SHC3: variants seen among roughly 807,000 people sequenced by gnomAD.
SHC3 encodes the protein SHC adaptor protein 3.
SHC3 carries 15 observed loss-of-function variants against 60.4 expected under a neutral mutation model. That is an observed-to-expected ratio of 0.25 (90% confidence interval 0.17 to 0.38). The LOEUF (loss-of-function observed/expected upper bound fraction) is 0.38, where lower values mean the gene tolerates loss of function less well. SHC3 is among the 10% of genes least tolerant of loss of function. The pLI, the probability that SHC3 is intolerant of heterozygous loss-of-function variation, is 1.00. For missense variants in SHC3, 677 were observed against 786.1 expected, an observed-to-expected ratio of 0.86 and a Z score of 1.66; for synonymous variants, 294 against 325.9, an observed-to-expected ratio of 0.90 and a Z score of 1.05.
chr9:89,041,838 C>G (rs913902266), intron 10 of SHC3, among the ~76,000 whole-genome samples, 188 bp downstream of exon 10: 1 of 152,210 alleles, frequency 6.6e-6, no homozygotes, highest in African/African-American at 2.4e-5. Flanking sequence ...TGTCTCTTGA[C>G]TACAGAGAGG....
intron 3 of SHC3, 95 bp downstream of exon 3, chr9:89,077,745 G>A (rs1258539762): frequency 5.6e-6 from 8 of 1,429,320 alleles, no homozygotes; most frequent in Non-Finnish European, 7.9e-6. Context: ...CACAGAAAGA[G>A]GACAATGAAT....
chr9:89,049,745 A>G (rs192509312), intron 7 of SHC3, among the ~76,000 whole-genome samples: 31 of 152,342 alleles, frequency 2.0e-4, no homozygotes, highest in Non-Finnish European at 1.3e-4. Context: ...TCTTGTGCCA[A>G]TCACCGAGTT....
intron 1 of SHC3, among the ~76,000 whole-genome samples, chr9:89,139,933 C>G (rs568417479): frequency 6.6e-6 from 1 of 152,260 alleles, no homozygotes; most frequent in South Asian, 2.1e-4. Flanking sequence ...CTTAAAGAAA[C>G]AGTTTATTAC....
At chr9:89,022,931 C>T (rs1163490417) in intron 11 of SHC3, among the ~76,000 whole-genome samples, 5 of 152,236 alleles carry the variant, frequency 3.3e-5, no homozygotes, top group Non-Finnish European at 7.3e-5. Flanking sequence ...CACTATTTTG[C>T]ACCTCCCTTG....
chr9:89,038,220 A>C lies in SHC3; in HGVS notation c.1429T>G (p.Cys477Gly), dbSNP rs752009200. The C allele has an allele frequency of 1.9e-6, 3 of 1,613,556 alleles. No individual in the cohort carries two copies. The African/African-American group carries it at 4.0e-5, about 22-fold the overall frequency. Residue 477 changes from cysteine to glycine, a missense_variant, in exon 11 of 12, where the codon TGC becomes GGC. Physicochemically the swap from Cys to Gly is radical, Grantham distance 159. Coordinates refer to ENST00000375835, the MANE Select transcript of SHC3 (RefSeq NM_016848.6). ...GCTCTAGGTGACACAGGGCTGATGC[A>C]CTCCACGGAGGCTGCCTTGCTTAAC... The part of the protein sequence containing the change: ...PVLSKAASVE[C>G]ISPVSPRAPD...
chr9:89,172,906 C>T (rs1826890697), intron 1 of SHC3, among the ~76,000 whole-genome samples: 1 of 152,190 alleles, frequency 6.6e-6, no homozygotes, highest in Admixed American at 6.5e-5. Context: ...CCTTGTACTG[C>T]AGGGTCTGGC....
intron 6 of SHC3, among the ~76,000 whole-genome samples, chr9:89,056,672 T>C (rs1172222835): frequency 6.6e-6 from 1 of 152,232 alleles, no homozygotes; most frequent in Non-Finnish European, 1.5e-5. Flanking sequence ...TCCCAGCACA[T>C]GGGCTGGCAG....
Position 89,013,533 on chromosome 9 carries a change from T to C in SHC3, c.1699A>G (p.Ile567Val). The change falls in exon 12 of 12, where the codon ATC (isoleucine) becomes GTC (valine). Residue 567 changes from isoleucine to valine, a missense_variant. Physicochemically the swap from Ile to Val is conservative, Grantham distance 29. Coordinates refer to ENST00000375835, the MANE Select transcript of SHC3 (RefSeq NM_016848.6). ...AGGCTGCTTTCTAGGTGGTGGTTGA[T>C]GAGGTGGCTGATACTGTCAAAGACT... is the stretch of plus-strand genomic sequence containing the variant. Reference protein sequence around the residue: ...DRVFDSISHLINHHLESSLPI... With the variant: ...DRVFDSISHLVNHHLESSLPI... 1 of 1,614,086 alleles carries C rather than the reference T, an allele frequency of 6.2e-7. No individual in the cohort carries two copies. Among genetic ancestry groups the C allele is most frequent in the Non-Finnish European group, 8.5e-7 (1 of 1,179,982 alleles).
chr9:89,094,094 ACT>A (rs1381601453), intron 2 of SHC3, among the ~76,000 whole-genome samples: 2 of 144,094 alleles, frequency 1.4e-5, no homozygotes, highest in Non-Finnish European at 3.0e-5. Context: ...ACAGAGTAAG[ACT>A]CTGTCTCAAA....
At chr9:89,161,482 T>C (rs973519187) in intron 1 of SHC3, among the ~76,000 whole-genome samples, 8 of 152,210 alleles carry the variant, frequency 5.3e-5, no homozygotes, top group African/African-American at 1.7e-4. Context: ...GAGTATTTCT[T>C]CACAGCAATG....
chr9:89,040,304 G>A (rs866095797), intron 10 of SHC3, among the ~76,000 whole-genome samples: 1 of 38,484 alleles, frequency 2.6e-5, no homozygotes, highest in Non-Finnish European at 5.5e-5. Flanking sequence ...CATCAGCACC[G>A]CTATATTTAG....
chr9:89,106,170 G>A (rs192186256), intron 2 of SHC3, among the ~76,000 whole-genome samples: 1 of 152,206 alleles, frequency 6.6e-6, no homozygotes, highest in East Asian at 1.9e-4. Flanking sequence ...TATTAGTGTG[G>A]GCTGGTACCC....
chr9:89,093,032 C>T (rs1385926831), intron 2 of SHC3, among the ~76,000 whole-genome samples: 1 of 152,096 alleles, frequency 6.6e-6, no homozygotes, highest in African/African-American at 2.4e-5. Flanking sequence ...TAGTTTGAGT[C>T]CATTACAAAG....
intron 1 of SHC3, among the ~76,000 whole-genome samples, chr9:89,134,835 A>C (rs2118177320): frequency 6.6e-6 from 1 of 152,234 alleles, no homozygotes; most frequent in African/African-American, 2.4e-5. Context: ...AGCAGAACAG[A>C]AATTAACTGC....
chr9:89,151,832 T>C (rs935808109), intron 1 of SHC3, among the ~76,000 whole-genome samples: 8 of 152,218 alleles, frequency 5.3e-5, no homozygotes, highest in African/African-American at 7.2e-5. Context: ...TGGAGGATTA[T>C]GATTATAGGT....
At chr9:89,043,759 TCTC>T (rs68073395) in intron 9 of SHC3, among the ~76,000 whole-genome samples, 12,446 of 152,010 alleles carry the variant, frequency 0.082, 682 homozygotes, top group Admixed American at 0.12. Context: ...TTCAAGCAAT[TCTC>T]CTGCCTCAGC....
At chr9:89,166,373 T>C (rs1424326399) in intron 1 of SHC3, among the ~76,000 whole-genome samples, 1 of 152,104 alleles carries the variant, frequency 6.6e-6, no homozygotes, top group African/African-American at 2.4e-5. Flanking sequence ...TAGATACCCG[T>C]TGAATAAAAC....
chr9:89,176,152 T>C (rs1218052413), intron 1 of SHC3, among the ~76,000 whole-genome samples: 1 of 152,146 alleles, frequency 6.6e-6, no homozygotes, highest in Non-Finnish European at 1.5e-5. Context: ...CCCCTTAAAT[T>C]TGAGGCAACA....
At chr9:89,065,436 G>T in intron 6 of SHC3, 93 bp downstream of exon 6, 1 of 1,299,326 alleles carries the variant, frequency 7.7e-7, no homozygotes, top group Non-Finnish European at 1.1e-6. Flanking sequence ...CTCATTTGTT[G>T]GGAGGGGGCT....
Sources: allele counts gnomAD v4.1 joint callset (sites outside exome capture counted in the v4.1 genomes callset), GRCh38; gene constraint gnomAD v4.1.1; transcripts MANE v1.5; gene names NCBI Gene and HGNC (gene_info 2026-07-23, HGNC 2026-07-21).